SPAG6: variants seen among roughly 807,000 people sequenced by gnomAD.
SPAG6 encodes sperm associated antigen 6.
A neutral mutation model predicts 58.5 loss-of-function variants in SPAG6; 49 were observed. The observed-to-expected ratio is 0.84, with a 90% CI of 0.67 to 1.06. SPAG6 has a LOEUF of 1.06. Among genes scored for constraint, SPAG6 ranks in the 50% least tolerant of loss-of-function variants. SPAG6 has a pLI of 0.00. For synonymous variants in SPAG6, 233 were observed against 225.6 expected (o/e 1.03, Z -0.29); for missense variants, 560 against 611.3 (o/e 0.92, Z 0.89).
chr10:22,352,340 T>C (rs1466401039), intron 2 of SPAG6, among the ~76,000 whole-genome samples: 2 of 152,190 alleles, frequency 1.3e-5, no homozygotes, highest in Non-Finnish European at 2.9e-5. Context: ...GTTTCCCATA[T>C]AAATGTCTTT....
At chr10:22,346,488 T>TTCTTCTTCTTCTTTCTTCTTCTTCTTCC (rs755754666) in intron 2 of SPAG6, among the ~76,000 whole-genome samples, 35 of 132,308 alleles carry the variant, frequency 2.6e-4, no homozygotes, top group Non-Finnish European at 4.2e-4. Flanking sequence ...CTTCTTCTTC[T>TTCTTCTTCTTCTTTCTTCTTCTTCTTCC]TCTTCTTCTT....
At chr10:22,396,853 C>T (rs1834304778) in intron 8 of SPAG6, among the ~76,000 whole-genome samples, 1 of 152,162 alleles carries the variant, frequency 6.6e-6, no homozygotes, top group Admixed American at 6.5e-5. Flanking sequence ...GGCCCAAACC[C>T]TCAGAATGCC....
intron 8 of SPAG6, among the ~76,000 whole-genome samples, chr10:22,395,190 A>C (rs7904329): frequency 0.032 from 4,889 of 152,306 alleles, 291 homozygotes; most frequent in African/African-American, 0.11. Context: ...ACTATTATGA[A>C]TAATGCTGTT....
At chr10:22,409,694 A>G (rs1191375888) in intron 9 of SPAG6, among the ~76,000 whole-genome samples, 1 of 152,234 alleles carries the variant, frequency 6.6e-6, no homozygotes, top group Non-Finnish European at 1.5e-5. Context: ...CGTTTCGGTC[A>G]GAGGGATAGT....
At chr10:22,383,664 G>A (rs568734486) in intron 4 of SPAG6, among the ~76,000 whole-genome samples, 94 of 151,810 alleles carry the variant, frequency 6.2e-4, no homozygotes, top group Non-Finnish European at 1.1e-3. Flanking sequence ...AGAAAATACA[G>A]AAAGAAAGAA....
chr10:22,388,648 T>G (rs1231601389), intron 6 of SPAG6, among the ~76,000 whole-genome samples: 1 of 152,246 alleles, frequency 6.6e-6, no homozygotes, highest in Non-Finnish European at 1.5e-5. Context: ...TTTATTTCAT[T>G]AAACTTTAAG....
At chr10:22,392,865 G>GCA (rs1834213092) in intron 8 of SPAG6, among the ~76,000 whole-genome samples, 1 of 151,874 alleles carries the variant, frequency 6.6e-6, no homozygotes, top group Admixed American at 6.6e-5. Context: ...ATGTATATTT[G>GCA]GTCATGTTTG....
chr10:22,414,485 GTTAACCCC>G (rs1564384398), intron 10 of SPAG6, among the ~76,000 whole-genome samples: 3 of 152,120 alleles, frequency 2.0e-5, no homozygotes, highest in Non-Finnish European at 4.4e-5. Context: ...GAAGGTAATA[GTTAACCCC>G]TTTAGCCACA....
At chr10:22,359,721 A>T (rs532122516) in intron 2 of SPAG6, among the ~76,000 whole-genome samples, 1 of 152,248 alleles carries the variant, frequency 6.6e-6, no homozygotes, top group African/African-American at 2.4e-5. Flanking sequence ...AAAAAATTTT[A>T]AAAGCAGGTT....
At chr10:22,360,871 A>T in intron 2 of SPAG6, 24 of 1,492,984 alleles carry the variant, frequency 1.6e-5, no homozygotes, top group Non-Finnish European at 2.1e-5. Flanking sequence ...CAGGCAGGTA[A>T]GAAAAATTTC....
At chr10:22,415,579 C>T (rs1221995180) in intron 10 of SPAG6, among the ~76,000 whole-genome samples, 1 of 152,082 alleles carries the variant, frequency 6.6e-6, no homozygotes, top group Non-Finnish European at 1.5e-5. Flanking sequence ...CTATGGATGC[C>T]TGTAAGCACA....
intron 4 of SPAG6, among the ~76,000 whole-genome samples, chr10:22,375,040 G>T (rs1833785207): frequency 6.6e-6 from 1 of 152,224 alleles, no homozygotes; most frequent in Non-Finnish European, 1.5e-5. Flanking sequence ...TGGGAGAAAT[G>T]TGATTAAGTG....
At position 22,369,554 on chromosome 10, in the gene SPAG6, A is replaced by G. The variant is rs1467714442; in HGVS notation, c.472+876A>G. On this transcript the variant is annotated intron_variant, in intron 4 of 10. Coordinates refer to ENST00000376624, the MANE Select transcript of SPAG6 (RefSeq NM_012443.4). ...GCAATATAGCCAGGTGATTAAGAGC[A>G]CTGTGGCATTAGACAGGGTCTGAGT... Among the ~76,000 whole-genome samples, 3 of 152,144 alleles carry G rather than the reference A, an allele frequency of 2.0e-5. No homozygotes were observed. The East Asian group carries it at 5.8e-4, about 29-fold the overall frequency.
intron 2 of SPAG6, among the ~76,000 whole-genome samples, chr10:22,346,497 T>TTCTTTCTTCTTTCTTC (rs1554776508): frequency 5.4e-4 from 40 of 74,380 alleles, no homozygotes; most frequent in African/African-American, 2.1e-3. Context: ...CTTCTTCTTC[T>TTCTTTCTTCTTTCTTC]TTCTTCTTCT....
At chr10:22,371,849 G>T (rs1216028983) in intron 4 of SPAG6, among the ~76,000 whole-genome samples, 1 of 151,880 alleles carries the variant, frequency 6.6e-6, no homozygotes, top group Non-Finnish European at 1.5e-5. Flanking sequence ...TCTATGTAAA[G>T]ATTTTAAAGC....
rs145944317 is a variant in SPAG6 at position 22,369,181 on chromosome 10, C to T, written c.472+503C>T. Among the ~76,000 whole-genome samples the T allele has an allele frequency of 4.8e-3, 733 of 152,094 alleles. 10 individuals are homozygous for T. Among genetic ancestry groups the T allele is most frequent in the African/African-American group, 0.017 (695 of 41,472 alleles). ...GTTGAGGAGATATGGACATAACTTC[C>T]TGGAAAATATTGGTATTCAACTCAT... is the stretch of plus-strand genomic sequence containing the variant. On this transcript the variant is annotated intron_variant, in intron 4 of 10. Transcript: ENST00000376624.
intron 2 of SPAG6, among the ~76,000 whole-genome samples, chr10:22,353,748 A>G (rs756866554): frequency 3.3e-5 from 5 of 152,352 alleles, no homozygotes; most frequent in Middle Eastern, 6.8e-3. Flanking sequence ...AAAGACATAT[A>G]AATAAATTAT....
chr10:22,386,262 G>A (rs1483313207), intron 4 of SPAG6, among the ~76,000 whole-genome samples: 1 of 152,004 alleles, frequency 6.6e-6, no homozygotes, highest in Non-Finnish European at 1.5e-5. Flanking sequence ...TCTTTTAAAA[G>A]TACTACAAGA....
At chr10:22,391,674 ACT>A in intron 7 of SPAG6, 53 bp from the exon 8 acceptor site, 2 of 1,487,280 alleles carry the variant, frequency 1.3e-6, no homozygotes, top group South Asian at 2.4e-5. Context: ...GACATGGAAG[ACT>A]CTTTAATCCT....
Sources: allele counts gnomAD v4.1 joint callset (sites outside exome capture counted in the v4.1 genomes callset), GRCh38; gene constraint gnomAD v4.1.1; transcripts MANE v1.5; gene names NCBI Gene and HGNC (gene_info 2026-07-23, HGNC 2026-07-21).